TEAD4: variants seen among roughly 807,000 people sequenced by gnomAD.
TEAD4 encodes the protein TEA domain transcription factor 4, also known as transcriptional enhancer factor TEF-3.
Under a neutral mutation model 52.4 loss-of-function variants are expected in TEAD4, and 36 were observed. The observed-to-expected ratio is 0.69, with a 90% CI of 0.53 to 0.91. The LOEUF (loss-of-function observed/expected upper bound fraction) is 0.91. Ranked by LOEUF, TEAD4 falls within the 40% of genes least tolerant of loss-of-function variation. The probability of loss-of-function intolerance (pLI) is 0.00; values close to 1 mark genes in which losing one functional copy is unlikely to be tolerated. For synonymous variants in TEAD4, 220 were observed against 231.0 expected (o/e 0.95, Z 0.43); for missense variants, 508 against 583.9 (o/e 0.87, Z 1.34).
At chr12:3,029,166 A>G (rs1170866151) in intron 10 of TEAD4, among the ~76,000 whole-genome samples, 2 of 151,456 alleles carry the variant, frequency 1.3e-5, no homozygotes, top group African/African-American at 2.4e-5. Flanking sequence ...ACTTGGGCTC[A>G]AGTGATCCTC....
At chr12:3,033,706 G>T (rs2098277410) in intron 10 of TEAD4, among the ~76,000 whole-genome samples, 1 of 152,230 alleles carries the variant, frequency 6.6e-6, no homozygotes, top group Non-Finnish European at 1.5e-5. Flanking sequence ...TCCAGGCACA[G>T]CTGCCCACCC....
At chr12:3,006,491 C>T (rs2098256012) in intron 3 of TEAD4, among the ~76,000 whole-genome samples, 3 of 152,080 alleles carry the variant, frequency 2.0e-5, no homozygotes, top group South Asian at 2.1e-4. Flanking sequence ...GTTGGGAGTT[C>T]GAGACCAGCC....
intron 5 of TEAD4, among the ~76,000 whole-genome samples, chr12:3,016,889 G>T (rs1167267928): frequency 3.9e-5 from 6 of 152,202 alleles, no homozygotes; most frequent in African/African-American, 1.4e-4. Context: ...ACACATGAAA[G>T]ATGGGTGAGT....
intron 2 of TEAD4, among the ~76,000 whole-genome samples, chr12:2,963,667 T>G (rs111763088): frequency 6.6e-6 from 1 of 152,368 alleles, no homozygotes; most frequent in African/African-American, 2.4e-5. Context: ...CTTTTGGTTT[T>G]TCCCGCTACT....
chr12:2,966,414 T>G (rs1565520299), intron 2 of TEAD4, among the ~76,000 whole-genome samples: 1 of 140,198 alleles, frequency 7.1e-6, no homozygotes, highest in African/African-American at 3.3e-5. Flanking sequence ...TTTCTTTTTC[T>G]TTCTTTTTTT....
At chr12:3,009,122 A>G (rs962022302) in intron 3 of TEAD4, among the ~76,000 whole-genome samples, 2 of 152,216 alleles carry the variant, frequency 1.3e-5, no homozygotes, top group East Asian at 1.9e-4. Context: ...CCTTAAAGGA[A>G]CTAGATTTAA....
intron 5 of TEAD4, among the ~76,000 whole-genome samples, chr12:3,015,215 C>A (rs2098263535): frequency 6.6e-6 from 1 of 152,196 alleles, no homozygotes; most frequent in Non-Finnish European, 1.5e-5. Flanking sequence ...CCCCACCGCC[C>A]TCTATGGTGC....
At chr12:2,999,902 ATCCCTT>A (rs1208229325) in intron 3 of TEAD4, among the ~76,000 whole-genome samples, 3 of 151,876 alleles carry the variant, frequency 2.0e-5, no homozygotes, top group Admixed American at 2.0e-4. Flanking sequence ...CTCTGCATTC[ATCCCTT>A]TCTGCCTCCT....
In TEAD4 at chr12:2,974,222, C is replaced by T. The variant is rs183675078; in HGVS notation, c.-30+14182C>T. Among the ~76,000 whole-genome samples, 48 of 152,236 alleles carry T rather than the reference C, an allele frequency of 3.2e-4. No individual in the cohort carries two copies. The East Asian group carries it at 8.0e-3, about 25-fold the overall frequency. ...CTCGCCATGTTGGCCAGGTTGGTCT[C>T]GAACTGTTGACCTCAGGTGATCCAC... On this transcript the variant is annotated intron_variant, in intron 2 of 12. Transcript: ENST00000359864.
intron 3 of TEAD4, among the ~76,000 whole-genome samples, chr12:3,002,504 A>G (rs1258639706): frequency 1.3e-5 from 2 of 152,226 alleles, no homozygotes; most frequent in African/African-American, 2.4e-5. Context: ...GCATATCCTC[A>G]TCAGCGCTTG....
intron 3 of TEAD4, among the ~76,000 whole-genome samples, chr12:3,009,820 A>C (rs1376640373): frequency 6.6e-6 from 1 of 152,110 alleles, no homozygotes; most frequent in Non-Finnish European, 1.5e-5. Flanking sequence ...AGGCCAGCAC[A>C]CCTTTTCTGG....
At chr12:2,993,096 A>T (rs1293495283) in intron 2 of TEAD4, among the ~76,000 whole-genome samples, 1 of 152,214 alleles carries the variant, frequency 6.6e-6, no homozygotes, top group Non-Finnish European at 1.5e-5. Flanking sequence ...ATGCGTTTTT[A>T]AAAATTTTTC....
At chr12:3,028,700 G>A (rs1410750061) in intron 10 of TEAD4, among the ~76,000 whole-genome samples, 1 of 151,586 alleles carries the variant, frequency 6.6e-6, no homozygotes, top group East Asian at 1.9e-4. Context: ...GCGTAATTTT[G>A]GCTCACTGCA....
chr12:3,037,326 G>A (rs1225681741), intron 10 of TEAD4, among the ~76,000 whole-genome samples: 1 of 152,190 alleles, frequency 6.6e-6, no homozygotes, highest in Non-Finnish European at 1.5e-5. Flanking sequence ...GTGCTGGGGA[G>A]ATTGCTCTGG....
intron 3 of TEAD4, among the ~76,000 whole-genome samples, chr12:3,007,813 T>C (rs938147209): frequency 4.6e-5 from 7 of 152,244 alleles, no homozygotes; most frequent in African/African-American, 9.6e-5. Flanking sequence ...GGTTTGCTCA[T>C]GTACAGAAAA....
intron 3 of TEAD4, among the ~76,000 whole-genome samples, chr12:3,000,341 G>A (rs3825372): frequency 0.64 from 97,039 of 152,062 alleles, 33,630 homozygotes; most frequent in Middle Eastern, 0.79. Context: ...AGTTACAGAG[G>A]CTGGGAAGTC....
rs144186435 is a variant in TEAD4, at chr12:3,034,860, G to A, written c.898-3108G>A. On this transcript the variant is annotated intron_variant, in intron 10 of 12. Coordinates refer to ENST00000359864, the MANE Select transcript of TEAD4 (RefSeq NM_003213.4). ...TATAATCCCAACACTTTGGGAGGCC[G>A]AGGCAGGTGGATCACTTGAGGCCAG... Among the ~76,000 whole-genome samples the A allele has an allele frequency of 5.5e-3, 835 of 152,152 alleles. 9 individuals carry two copies. Among genetic ancestry groups the A allele is most frequent in the African/African-American group, 0.019 (781 of 41,518 alleles).
At chr12:3,026,260 T>C (rs560162376) in intron 10 of TEAD4, among the ~76,000 whole-genome samples, 1 of 152,382 alleles carries the variant, frequency 6.6e-6, no homozygotes, top group South Asian at 2.1e-4. Flanking sequence ...TCTTGGTCTG[T>C]TTTCTTAGCG....
At chr12:2,989,271 G>A (rs1013795909) in intron 2 of TEAD4, among the ~76,000 whole-genome samples, 1 of 151,914 alleles carries the variant, frequency 6.6e-6, no homozygotes, top group African/African-American at 2.4e-5. Flanking sequence ...TCTTTGATTG[G>A]TAAATTCTCT....
Sources: gnomAD v4.1 joint callset for allele counts (sites outside exome capture counted in the v4.1 genomes callset) on GRCh38, gnomAD v4.1.1 for gene constraint, MANE v1.5 for transcripts, NCBI Gene and HGNC (gene_info 2026-07-23, HGNC 2026-07-21) for gene names.